The following APOB variants were observed in gnomAD, a reference collection of about 807,000 sequenced individuals.
The protein encoded by APOB is apolipoprotein B.
Under a neutral mutation model 314.1 loss-of-function variants are expected in APOB, and 153 were observed. The ratio of observed to expected loss-of-function variants is 0.49; its 90% CI spans 0.43 to 0.56. APOB has a LOEUF of 0.56. Among genes scored for constraint, APOB ranks in the 20% least tolerant of loss-of-function variants. The pLI is 0.00. For missense variants in APOB, 5,430 were observed against 5,350.7 expected (o/e 1.01, Z -0.46); for synonymous variants, 2,087 against 2,036.4 (o/e 1.02, Z -0.67).
At chr2:21,026,746 G>A in intron 15 of APOB, 42 bp downstream of exon 15, 1 of 1,499,872 alleles carries the variant, frequency 6.7e-7, no homozygotes, top group Non-Finnish European at 9.3e-7. Flanking sequence ...TTTGCATTGA[G>A]ACCCAAAGCT....
intron 14 of APOB, 76 bp from the exon 15 acceptor site, chr2:21,027,040 A>T: frequency 7.5e-7 from 1 of 1,325,586 alleles, no homozygotes; most frequent in South Asian, 1.2e-5. Context: ...CCCACTCTTG[A>T]TGTCCATTTA....
intron 6 of APOB, 149 bp downstream of exon 6, chr2:21,036,951 C>T (rs959596049): frequency 2.4e-5 from 24 of 994,834 alleles, no homozygotes; most frequent in Admixed American, 1.0e-4. Flanking sequence ...CAGACCTTCC[C>T]GTGCCTGCTC....
intron 20 of APOB, among the ~76,000 whole-genome samples, 158 bp from the exon 21 acceptor site, chr2:21,016,807 AC>A (rs2103364391): frequency 6.6e-6 from 1 of 151,798 alleles, no homozygotes; most frequent in East Asian, 1.9e-4. Flanking sequence ...ACATGGTGAA[AC>A]CCCGTCTCTA....
chr2:21,033,708 C>A (rs1453539865), intron 8 of APOB, among the ~76,000 whole-genome samples, 190 bp from the exon 9 acceptor site: 1 of 152,204 alleles, frequency 6.6e-6, no homozygotes, highest in Non-Finnish European at 1.5e-5. Flanking sequence ...ATCATCCTAT[C>A]CCTGTGGGGT....
chr2:21,006,272 C>A lies in APOB; in HGVS notation c.10596G>T (p.Leu3532=). 2 of 1,614,036 alleles carry A rather than the reference C, an allele frequency of 1.2e-6. No individual in the cohort carries two copies. The highest frequency in any genetic ancestry group is 1.6e-4 in the Middle Eastern group (1 of 6,062). Residue 3532 remains leucine, a synonymous_variant, in exon 26 of 29, where the codon CTG becomes CTT. Coordinates refer to ENST00000233242, the MANE Select transcript of APOB (RefSeq NM_000384.3). Reference sequence around the variant, plus strand: ...TATCATCAATTTTGGAAGTGCCCTGCAGCTTCACTGAAGACCGTGTGCTCT... The same window carrying A: ...TATCATCAATTTTGGAAGTGCCCTGAAGCTTCACTGAAGACCGTGTGCTCT... ...NSKSTRSSVK[L]QGTSKIDDIW...
intron 10 of APOB, among the ~76,000 whole-genome samples, chr2:21,031,845 C>T (rs1663890111): frequency 6.6e-6 from 1 of 151,512 alleles, no homozygotes; most frequent in Non-Finnish European, 1.5e-5. Context: ...GTGAGACCAT[C>T]TCAAAAAAAC....
In APOB at chr2:21,029,688, A is replaced by T. The variant is rs781234577; in HGVS notation, c.1568T>A (p.Ile523Asn). ...CAGAGCCTGGATGGCAGCTTTCTGGATCATCAGTGATGGCTTTGTACTTTG... is the reference window on the plus strand; with the variant it reads ...CAGAGCCTGGATGGCAGCTTTCTGGTTCATCAGTGATGGCTTTGTACTTTG... ...CVQSTKPSLMIQKAAIQALRK... is the reference protein window; with the variant it reads ...CVQSTKPSLMNQKAAIQALRK... Residue 523 changes from isoleucine to asparagine, a missense_variant, in exon 12 of 29, where the codon ATC becomes AAC. Around this residue, in one of 3 missense-constraint regions of APOB, gnomAD observed 2,085 missense variants for 2,079.7 expected, o/e 1.00. Transcript: ENST00000233242. 3 of 1,614,022 alleles carry T rather than the reference A, an allele frequency of 1.9e-6. No homozygotes were observed. The highest frequency in any genetic ancestry group is 2.5e-6 in the Non-Finnish European group (3 of 1,180,038).
chr2:21,024,786 A>G, intron 16 of APOB, 147 bp downstream of exon 16: 1 of 814,828 alleles, frequency 1.2e-6, no homozygotes, highest in Non-Finnish European at 2.2e-6. Context: ...AGTCATCTTC[A>G]GTGAAATTCA....
In APOB at chr2:21,027,860, C is replaced by G. The variant is rs1029990195; in HGVS notation, c.2035G>C (p.Ala679Pro). Residue 679 changes from alanine (A) to proline (P), a missense_variant, in exon 14 of 29, where the codon GCC becomes CCC. Coordinates refer to ENST00000233242, the MANE Select transcript of APOB (RefSeq NM_000384.3). ...AGGTCAGCTGAAGCAAATCCAAAGG[C>G]AGTGAGGGTAGTTTTCAGCATGCTT... ...KESMLKTTLT[A>P]FGFASADLIE... The G allele has an allele frequency of 3.1e-6, 5 of 1,613,922 alleles. No individual in the cohort carries two copies. The African/African-American group carries it at 4.0e-5, about 13-fold the overall frequency.
chr2:21,037,329 G>A, intron 5 of APOB, 74 bp from the exon 6 acceptor site: 1 of 1,449,432 alleles, frequency 6.9e-7, no homozygotes, highest in Non-Finnish European at 9.6e-7. Context: ...GGGATGGGGT[G>A]GGGATCGTGA....
At chr2:21,036,371 AT>A (rs1664003065) in intron 6 of APOB, among the ~76,000 whole-genome samples, 1 of 152,208 alleles carries the variant, frequency 6.6e-6, no homozygotes. Context: ...ACTCATGGTC[AT>A]CAGACTCCCT....
rs771015234 is a variant in APOB, at chr2:21,002,254, C to A, written c.13168G>T (p.Asp4390Tyr). The change falls in exon 29 of 29, where the codon GAT (aspartate) becomes TAT (tyrosine). Residue 4390 changes from aspartate (D) to tyrosine (Y), a missense_variant. By Grantham distance (160) the Asp-to-Tyr change is radical (BLOSUM62 -3). Coordinates refer to ENST00000233242, the MANE Select transcript of APOB (RefSeq NM_000384.3). ...YIMALREEYF[D>Y]PSIVGWTVKY... ...ACTGTCCAGCCAACTATACTTGGAT[C>A]AAAATATTCTTCACGAAGGGCCATA... 1.9e-6 allele frequency: 3 copies of A among 1,613,946 alleles called. No individual in the cohort carries two copies. Among genetic ancestry groups the A allele is most frequent in the South Asian group, 2.2e-5 (2 of 91,074 alleles).
chr2:21,006,585 G>T lies in APOB; in HGVS notation c.10283C>A (p.Thr3428Asn), dbSNP rs764056784. 8.1e-6 allele frequency: 13 copies of T among 1,614,040 alleles called. No homozygotes were observed. The East Asian group carries it at 2.9e-4, about 36-fold the overall frequency. The change falls in exon 26 of 29, where the codon ACC becomes AAC. Residue 3428 changes from threonine (T) to asparagine (N), a missense_variant. Coordinates refer to ENST00000233242, the MANE Select transcript of APOB (RefSeq NM_000384.3). ...CAAAATTGGAATTTGGGCTTTTGTG[G>T]TTGTTGCCACTGACACTTCCATATT... is the stretch of plus-strand genomic sequence containing the variant. Reference protein sequence around the residue: ...TKNMEVSVATTTKAQIPILRM... With the variant: ...TKNMEVSVATNTKAQIPILRM...
intron 5 of APOB, among the ~76,000 whole-genome samples, 177 bp from the exon 6 acceptor site, chr2:21,037,432 G>T (rs946965361): frequency 3.9e-5 from 6 of 152,114 alleles, no homozygotes; most frequent in African/African-American, 7.2e-5. Context: ...AGCCCAAGTT[G>T]GGAGAGAGAA....
chr2:21,033,600 G>T, intron 8 of APOB, 82 bp from the exon 9 acceptor site: 1 of 1,184,866 alleles, frequency 8.4e-7, no homozygotes, highest in Non-Finnish European at 1.3e-6. Flanking sequence ...GGAAATTGTG[G>T]AGTATCAGCA....
In APOB at chr2:21,010,959, G is replaced by A; in HGVS notation, c.5909C>T (p.Ala1970Val). Residue 1970 changes from alanine (A) to valine (V), a missense_variant, in exon 26 of 29, where the codon GCC becomes GTC. This residue lies in a region of APOB where 3,281 missense variants were observed against 3,171.0 expected (regional missense o/e 1.03). Transcript: ENST00000233242. ...ISAALEHKVS[A>V]LLTPAEQTGT... ...TGTCTGCTCAGCTGGAGTAAGCAGG[G>A]CACTGACTTTGTGTTCAAGAGCTGC... 3.1e-6 allele frequency: 5 copies of A among 1,614,116 alleles called. No individual in the cohort carries two copies. Among genetic ancestry groups the A allele is most frequent in the Non-Finnish European group, 3.4e-6 (4 of 1,180,008 alleles).
intron 5 of APOB, among the ~76,000 whole-genome samples, 183 bp downstream of exon 5, chr2:21,037,775 T>C (rs376570144): frequency 1.3e-5 from 2 of 152,136 alleles, no homozygotes; most frequent in South Asian, 4.1e-4. Flanking sequence ...CTTGGGATGA[T>C]CTGTCAGTGA....
chr2:21,032,145 ATAATG>A (rs1663896648), intron 10 of APOB, among the ~76,000 whole-genome samples: 2 of 152,204 alleles, frequency 1.3e-5, no homozygotes, highest in Non-Finnish European at 1.5e-5. Flanking sequence ...CTTTTATAAT[ATAATG>A]TAGAGAAAAT....
chr2:21,033,294 G>A lies in APOB; in HGVS notation c.1124+5C>T. On this transcript the variant is annotated splice_donor_5th_base_variant and intron_variant, in intron 9 of 28. Transcript: ENST00000233242. ...ATAAAAAGTTGAGCTGTAACCATTA[G>A]ATACCTGGACACCTCAATCAGCTGT... 6.2e-7 allele frequency: 1 copy of A among 1,610,908 alleles called. No homozygotes were observed.
Sources: allele counts gnomAD v4.1 joint callset (sites outside exome capture counted in the v4.1 genomes callset), GRCh38; gene constraint gnomAD v4.1.1; regional missense constraint gnomAD v4.1.1; transcripts MANE v1.5; gene names NCBI Gene and HGNC (gene_info 2026-07-23, HGNC 2026-07-21).